TECTA: variants seen among roughly 807,000 people sequenced by gnomAD.
TECTA encodes the protein tectorin alpha.
A neutral mutation model predicts 216.8 loss-of-function variants in TECTA; 128 were observed. The observed-to-expected ratio is 0.59, with a 90% CI of 0.51 to 0.68. The LOEUF (loss-of-function observed/expected upper bound fraction) is 0.68. TECTA is among the 30% of genes least tolerant of loss of function. TECTA has a pLI of 0.00. For synonymous variants in TECTA, 1,089 were observed against 1,117.1 expected, an observed-to-expected ratio of 0.97 and a Z score of 0.50; for missense variants, 2,551 against 2,786.2, an observed-to-expected ratio of 0.92 and a Z score of 1.90.
chr11:121,109,599 G>T, intron 4 of TECTA, 101 bp downstream of exon 4: 1 of 1,436,582 alleles, frequency 7.0e-7, no homozygotes, highest in Non-Finnish European at 9.7e-7. Flanking sequence ...GCTAAGGAGT[G>T]TCAGTTCCCT....
At chr11:121,184,794 T>C (rs1465956801) in intron 20 of TECTA, among the ~76,000 whole-genome samples, 2 of 152,170 alleles carry the variant, frequency 1.3e-5, no homozygotes, top group Non-Finnish European at 2.9e-5. Context: ...AGCAAAGACC[T>C]CACTAAGGTA....
At chr11:121,149,814 G>C (rs1432835392) in intron 12 of TECTA, among the ~76,000 whole-genome samples, 1 of 152,230 alleles carries the variant, frequency 6.6e-6, no homozygotes, top group Non-Finnish European at 1.5e-5. Context: ...TCACGCCACA[G>C]CTCTCAGTAC....
chr11:121,111,906 A>G (rs75576914), intron 4 of TECTA, among the ~76,000 whole-genome samples: 2 of 152,206 alleles, frequency 1.3e-5, no homozygotes, highest in African/African-American at 2.4e-5. Flanking sequence ...AGTTCTTTAC[A>G]AAAAGGGCTG....
chr11:121,163,480 A>G (rs1473205226), intron 16 of TECTA, among the ~76,000 whole-genome samples: 1 of 151,542 alleles, frequency 6.6e-6, no homozygotes, highest in Non-Finnish European at 1.5e-5. Flanking sequence ...GGATAGCATT[A>G]GGAGATATAC....
At chr11:121,151,080 G>A (rs1309572573) in intron 12 of TECTA, among the ~76,000 whole-genome samples, 1 of 152,030 alleles carries the variant, frequency 6.6e-6, no homozygotes, top group Admixed American at 6.6e-5. Flanking sequence ...AGAACAAGAG[G>A]ATCAACCTCA....
chr11:121,144,764 G>A (rs531470844), intron 11 of TECTA, among the ~76,000 whole-genome samples: 1 of 152,248 alleles, frequency 6.6e-6, no homozygotes, highest in Non-Finnish European at 1.5e-5. Context: ...GTGCCTGGGG[G>A]GTAATGAGGG....
Position 121,105,702 on chromosome 11 carries a change from A to G in TECTA, c.65-129A>G. ...ATGGCCTAGGTTTAGGATGAATGAC[A>G]GGGCAGTATGACTTGCATTCAGCTT... On this transcript the variant is annotated intron_variant, in intron 2 of 23. Coordinates refer to ENST00000392793, the MANE Select transcript of TECTA (RefSeq NM_005422.4). The surrounding 1 kb of genome is among the most constrained non-coding windows in gnomAD (Gnocchi z 5.3). 1 of 1,178,252 alleles carries G rather than the reference A, an allele frequency of 8.5e-7. No homozygotes were observed. The highest frequency in any genetic ancestry group is 1.3e-5 in the South Asian group (1 of 77,152). 73.0% of individuals were successfully genotyped at this position (1,178,252 alleles called of 1,614,324 possible). A position where few individuals can be genotyped will look rare whatever the true frequency, so the allele number is the denominator to read the frequency against.
At chr11:121,116,524 T>A (rs1053495002) in intron 6 of TECTA, among the ~76,000 whole-genome samples, 3 of 152,240 alleles carry the variant, frequency 2.0e-5, no homozygotes, top group Non-Finnish European at 4.4e-5. Context: ...GTCTCCACTT[T>A]GACTTCATTC....
In TECTA at chr11:121,128,256, A is replaced by T. The variant is rs1456495966; in HGVS notation, c.2279A>T (p.Asp760Val). ...LEIDINKKKP[D>V]AGPAWLRGLR... is the part of the protein sequence containing the mutation. ...ATCGACATCAACAAGAAGAAGCCCG[A>T]TGCAGGACCTGCTTGGCTGCGGGGA... The change falls in exon 9 of 24, where the codon GAT becomes GTT. Residue 760 changes from aspartate to valine, a missense_variant. Transcript: ENST00000392793. 7 of 1,600,186 alleles carry T rather than the reference A, an allele frequency of 4.4e-6. No homozygotes were observed. Among genetic ancestry groups the T allele is most frequent in the Non-Finnish European group, 5.9e-6 (7 of 1,179,946 alleles).
intron 15 of TECTA, 82 bp downstream of exon 15, chr11:121,160,503 T>C: frequency 6.4e-7 from 1 of 1,567,630 alleles, no homozygotes. Flanking sequence ...GAGGAATGCC[T>C]TTTCCTTAGC....
intron 6 of TECTA, among the ~76,000 whole-genome samples, chr11:121,117,122 T>C (rs1946509006): frequency 6.6e-6 from 1 of 152,244 alleles, no homozygotes; most frequent in African/African-American, 2.4e-5. Flanking sequence ...CTTGAGATGT[T>C]ATTTACATTT....
intron 20 of TECTA, among the ~76,000 whole-genome samples, chr11:121,186,635 T>C (rs1266945214): frequency 6.6e-6 from 1 of 152,244 alleles, no homozygotes. Context: ...ATGTAAGTTT[T>C]TGTTTCAAAG....
chr11:121,190,088 T>C, intron 23 of TECTA: 1 of 579,016 alleles, frequency 1.7e-6, no homozygotes, highest in Non-Finnish European at 3.1e-6. Flanking sequence ...AAAACCTTGC[T>C]CTTTCATCTA....
rs756045829 is a variant in TECTA at position 121,113,736 on chromosome 11, T to C, written c.790+18T>C. On this transcript the variant is annotated intron_variant, in intron 6 of 23. Transcript: ENST00000392793. The surrounding 1 kb of genome is among the most constrained non-coding windows in gnomAD (Gnocchi z 4.2). The stretch of plus-strand genomic sequence containing the variant: ...CTCAAGGGGTAAAGCTTTTCCTCTG[T>C]CTGTGGCAAGGCAGGGTTTGTTTAG... 3.1e-6 allele frequency: 5 copies of C among 1,612,550 alleles called. No individual in the cohort carries two copies. In the African/African-American group the frequency reaches 6.7e-5, roughly 22 times the overall value.
At chr11:121,111,801 C>T (rs917562796) in intron 4 of TECTA, among the ~76,000 whole-genome samples, 1 of 152,250 alleles carries the variant, frequency 6.6e-6, no homozygotes, top group Non-Finnish European at 1.5e-5. Flanking sequence ...CCACTGTCCT[C>T]TTCTGTTGAA....
chr11:121,137,309 C>A, intron 10 of TECTA, 112 bp from the exon 11 acceptor site: 3 of 1,358,680 alleles, frequency 2.2e-6, no homozygotes, highest in Non-Finnish European at 2.1e-6. Flanking sequence ...CATGCACACA[C>A]GCACATGCAC....
intron 7 of TECTA, among the ~76,000 whole-genome samples, chr11:121,119,361 G>C (rs626517): frequency 0.26 from 40,173 of 151,916 alleles, 5,865 homozygotes; most frequent in Admixed American, 0.34. Flanking sequence ...CCCTCGAATA[G>C]AGTCCCCAAC....
rs1409312483 is a variant in TECTA at position 121,176,529 on chromosome 11, T to G, written c.5999+7604T>G. 1.8e-5 allele frequency among the ~76,000 whole-genome samples: 2 copies of G among 110,386 alleles called. 1 individual carries two copies. Among genetic ancestry groups the G allele is most frequent in the Non-Finnish European group, 3.4e-5 (2 of 59,654 alleles). The allele number at this position is 110,386 out of a possible 152,430, so 72.4% of individuals were successfully genotyped here. A position where few individuals can be genotyped will look rare whatever the true frequency, so the allele number is the denominator to read the frequency against. On this transcript the variant is annotated intron_variant, in intron 20 of 23. Transcript: ENST00000392793. Reference sequence around the variant, plus strand: ...CAAATATCTTCTGGCTTGTAGAGTTTCTGCCAAGAGATCCGCTGTTAGTCT... The same window carrying G: ...CAAATATCTTCTGGCTTGTAGAGTTGCTGCCAAGAGATCCGCTGTTAGTCT...
Position 121,128,243 on chromosome 11 carries a change from A to G in TECTA, c.2266A>G (p.Lys756Glu), listed in dbSNP as rs141420954. ...RPEYLEIDINKKKPDAGPAWL... is the reference protein window; with the variant it reads ...RPEYLEIDINEKKPDAGPAWL... ...AGAGTACTTGGAAATCGACATCAAC[A>G]AGAAGAAGCCCGATGCAGGACCTGC... The change falls in exon 9 of 24, where the codon AAG (lysine) becomes GAG (glutamate). Residue 756 changes from lysine (K) to glutamate (E), a missense_variant. Physicochemically the swap from Lys to Glu is moderately conservative, Grantham distance 56. This residue lies in a region of TECTA where 2,375 missense variants were observed against 2,563.9 expected (regional missense o/e 0.93). Coordinates refer to ENST00000392793, the MANE Select transcript of TECTA (RefSeq NM_005422.4). 209 of 1,600,668 alleles carry G rather than the reference A, an allele frequency of 1.3e-4. No individual in the cohort carries two copies. Among genetic ancestry groups the G allele is most frequent in the Admixed American group, 3.3e-4 (20 of 60,018 alleles).
Sources: allele counts gnomAD v4.1 joint callset (sites outside exome capture counted in the v4.1 genomes callset), GRCh38; gene constraint gnomAD v4.1.1; regional missense constraint gnomAD v4.1.1; non-coding constraint Gnocchi (gnomAD v3.1); transcripts MANE v1.5; gene names NCBI Gene and HGNC (gene_info 2026-07-23, HGNC 2026-07-21).